The following NOTCH2 variants were observed in gnomAD, a reference collection of about 807,000 sequenced individuals.
NOTCH2 encodes neurogenic locus notch homolog protein 2.
A neutral mutation model predicts 235.8 loss-of-function variants in NOTCH2; 29 were observed. The ratio of observed to expected loss-of-function variants is 0.12; its 90% CI spans 0.09 to 0.17. The LOEUF is 0.17. Among genes scored for constraint, NOTCH2 ranks in the 10% least tolerant of loss-of-function variants. The probability of loss-of-function intolerance (pLI) is 1.00; values close to 1 mark genes in which losing one functional copy is unlikely to be tolerated. For synonymous variants in NOTCH2, 1,086 were observed against 1,141.5 expected (o/e 0.95, Z 0.98); for missense variants, 2,285 against 3,150.2 (o/e 0.73, Z 6.57).
intron 14 of NOTCH2, among the ~76,000 whole-genome samples, chr1:119,951,245 G>A (rs1013180557): frequency 2.0e-5 from 3 of 152,040 alleles, no homozygotes; most frequent in East Asian, 1.9e-4. Flanking sequence ...TCGACCTCTC[G>A]GGCTCAGCAA....
rs1210707132 is a variant in NOTCH2, at chr1:119,950,812, A to G, written c.2391T>C (p.Asp797=). The change falls in exon 15 of 34, where the codon GAT becomes GAC. Residue 797 remains aspartate, a synonymous_variant. Coordinates refer to ENST00000256646, the MANE Select transcript of NOTCH2 (RefSeq NM_024408.4). ...TCAGGCATGGATTTGAGGCACATTC[A>G]TCAATATTCACCTGGCAGTTATAGC... ...FKGYNCQVNI[D]ECASNPCLNQ... 1 of 1,613,706 alleles carries G rather than the reference A, an allele frequency of 6.2e-7. No homozygotes were observed. Among genetic ancestry groups the G allele is most frequent in the Non-Finnish European group, 8.5e-7 (1 of 1,179,682 alleles).
chr1:119,926,435 G>T, intron 24 of NOTCH2, 64 bp downstream of exon 24: 3 of 1,229,290 alleles, frequency 2.4e-6, no homozygotes, highest in South Asian at 1.3e-5. Flanking sequence ...TTTAATCTCA[G>T]TTCTGTTCAC....
Position 119,925,291 on chromosome 1 carries a change from C to A in NOTCH2, c.4511+14G>T. The A allele has an allele frequency of 1.2e-6, 2 of 1,613,164 alleles. No individual in the cohort carries two copies. Among genetic ancestry groups the A allele is most frequent in the Non-Finnish European group, 1.7e-6 (2 of 1,180,028 alleles). On this transcript the variant is annotated intron_variant, in intron 25 of 33. Transcript: ENST00000256646. The stretch of plus-strand genomic sequence containing the variant: ...GACAGTCCCCTTCAGTTCTGGAAAA[C>A]GTGAAGCCCTTACTTGCATGTCTTG...
chr1:120,036,855 C>T (rs1285276201), intron 1 of NOTCH2, among the ~76,000 whole-genome samples: 2 of 151,822 alleles, frequency 1.3e-5, no homozygotes, highest in African/African-American at 4.8e-5. Flanking sequence ...TGGAATCTTC[C>T]TTAAAATTTC....
At chr1:119,996,310 A>G (rs1237874879) in intron 4 of NOTCH2, 3 of 305,962 alleles carry the variant, frequency 9.8e-6, no homozygotes, top group Non-Finnish European at 1.3e-5. Flanking sequence ...GAACACTTGT[A>G]TCAGTGAAGA....
At chr1:119,972,573 GA>G (rs1651409730) in intron 5 of NOTCH2, among the ~76,000 whole-genome samples, 2 of 152,258 alleles carry the variant, frequency 1.3e-5, no homozygotes, top group African/African-American at 4.8e-5. Flanking sequence ...ATAATAAACA[GA>G]CACTGAAATA....
At chr1:119,978,180 T>C (rs1423930330) in intron 5 of NOTCH2, among the ~76,000 whole-genome samples, 2 of 148,886 alleles carry the variant, frequency 1.3e-5, no homozygotes, top group African/African-American at 2.5e-5. Flanking sequence ...AAGGGTGGAG[T>C]GCGGAGTATT....
rs1557811104 is a variant in NOTCH2, at chr1:119,935,303, C to A, written c.3655+169G>T. 1.9e-6 allele frequency: 3 copies of A among 1,561,996 alleles called. No individual in the cohort carries two copies. In the South Asian group the frequency reaches 3.6e-5, roughly 19 times the overall value. ...ACATAAACCACAACATCAGAGCTAG[C>A]AAGAGATGGGAGAATAAAATGGCTT... On this transcript the variant is annotated intron_variant, in intron 22 of 33. Transcript: ENST00000256646.
Position 119,941,722 on chromosome 1 carries a change from C to T in NOTCH2, c.2785G>A (p.Gly929Arg), listed in dbSNP as rs199585130. The T allele has an allele frequency of 1.6e-4, 253 of 1,613,986 alleles. No homozygotes were observed. Among genetic ancestry groups the T allele is most frequent in the Non-Finnish European group, 2.1e-4 (247 of 1,179,948 alleles). Residue 929 changes from glycine to arginine, a missense_variant, in exon 18 of 34, where the codon GGA (glycine) becomes AGA (arginine). Around this residue, in one of 6 missense-constraint regions of NOTCH2, gnomAD observed 1,173 missense variants for 1,515.3 expected, o/e 0.77. Coordinates refer to ENST00000256646, the MANE Select transcript of NOTCH2 (RefSeq NM_024408.4). ...CAGAGGCAGGAGAAAGTATTCACTC[C>T]ATCCATACAGGAACCTCCATTCTGG... The part of the protein sequence containing the change: ...PCQNGGSCMD[G>R]VNTFSCLCLP...
chr1:119,933,141 C>T (rs1245867449), intron 22 of NOTCH2, among the ~76,000 whole-genome samples: 1 of 152,134 alleles, frequency 6.6e-6, no homozygotes, highest in Non-Finnish European at 1.5e-5. Flanking sequence ...AATGGAACCA[C>T]CAGAAATAAA....
Position 119,949,072 on chromosome 1 carries a change from G to A in NOTCH2, c.2534C>T (p.Ala845Val), listed in dbSNP as rs1553197403. The A allele has an allele frequency of 1.2e-6, 2 of 1,614,134 alleles. No individual in the cohort carries two copies. Among genetic ancestry groups the A allele is most frequent in the East Asian group, 2.2e-5 (1 of 44,884 alleles). The change falls in exon 16 of 34, where the codon GCT becomes GTT. Residue 845 changes from alanine to valine, a missense_variant. This residue lies in a region of NOTCH2 where 1,173 missense variants were observed against 1,515.3 expected (regional missense o/e 0.77). Coordinates refer to ENST00000256646, the MANE Select transcript of NOTCH2 (RefSeq NM_024408.4). Reference protein sequence around the residue: ...APCSPNPCENAAVCKESPNFE... With the variant: ...APCSPNPCENVAVCKESPNFE... Reference sequence around the variant, plus strand: ...ATTTGGTGACTCTTTGCAAACAGCAGCATTCTCACAAGGGTTTGGGGAACA... The same window carrying A: ...ATTTGGTGACTCTTTGCAAACAGCAACATTCTCACAAGGGTTTGGGGAACA...
intron 1 of NOTCH2, among the ~76,000 whole-genome samples, chr1:120,033,092 GT>G (rs1654159708): frequency 6.6e-6 from 1 of 150,654 alleles, no homozygotes; most frequent in South Asian, 2.1e-4. Context: ...CCCATACCAA[GT>G]TATGGAAGTG....
At position 119,947,835 on chromosome 1, in the gene NOTCH2, A is replaced by G. The variant is rs181062461; in HGVS notation, c.2752+579T>C. Among the ~76,000 whole-genome samples, 43 of 152,330 alleles carry G rather than the reference A, an allele frequency of 2.8e-4. 1 individual carries two copies. The highest frequency in any genetic ancestry group is 2.2e-3 in the Admixed American group (33 of 15,312). ...AGAATGTACTATTGATATAAACAAC[A>G]TGGACGGATCTCAAATACTATGTTC... On this transcript the variant is annotated intron_variant, in intron 17 of 33. Transcript: ENST00000256646.
intron 23 of NOTCH2, among the ~76,000 whole-genome samples, chr1:119,926,865 G>C (rs1370833332): frequency 6.6e-6 from 1 of 152,030 alleles, no homozygotes; most frequent in East Asian, 1.9e-4. Flanking sequence ...CAACAGGGTG[G>C]GTGAGAAAAG....
rs4659250 is a variant in NOTCH2, at chr1:119,955,463, G to C, written c.2027-231C>G. Among the ~76,000 whole-genome samples the C allele has an allele frequency of 0.67, 101,962 of 152,218 alleles. 41,013 individuals carry two copies. Among genetic ancestry groups the C allele is most frequent in the East Asian group, 0.9 (4,669 of 5,174 alleles). On this transcript the variant is annotated intron_variant, in intron 12 of 33. Coordinates refer to ENST00000256646, the MANE Select transcript of NOTCH2 (RefSeq NM_024408.4). ...GGAAAGTTAACAAAAGGCTGGAAAA[G>C]TGTTATAGCAATTTGGCATTTTCTT... is the stretch of plus-strand genomic sequence containing the variant.
chr1:119,941,398 G>T, intron 18 of NOTCH2, 128 bp downstream of exon 18: 1 of 725,238 alleles, frequency 1.4e-6, no homozygotes, highest in East Asian at 2.7e-5. Context: ...AATAGGAGAT[G>T]ACTGTGGACT....
intron 14 of NOTCH2, among the ~76,000 whole-genome samples, chr1:119,951,619 T>C (rs1553197820): frequency 6.6e-6 from 1 of 152,242 alleles, no homozygotes; most frequent in Non-Finnish European, 1.5e-5. Flanking sequence ...CAAAGCTGTT[T>C]TCTCCTGATT....
At chr1:119,917,112 A>C (rs1471648109) in intron 33 of NOTCH2, among the ~76,000 whole-genome samples, 2 of 152,200 alleles carry the variant, frequency 1.3e-5, no homozygotes, top group African/African-American at 4.8e-5. Flanking sequence ...GAAATAAGAA[A>C]GGTAGGAAGA....
Position 119,929,157 on chromosome 1 carries a change from A to G in NOTCH2, c.3711T>C (p.Asn1237=). Residue 1237 remains asparagine (N), a synonymous_variant, in exon 23 of 34, where the codon AAT becomes AAC. Coordinates refer to ENST00000256646, the MANE Select transcript of NOTCH2 (RefSeq NM_024408.4). The part of the protein sequence containing the change: ...DDCARGPHCL[N]GGQCMDRIGG... ...CAATCCTATCCATGCACTGACCACC[A>G]TTAAGGCAATGGGGACCCCGGGCAC... 1 of 1,614,216 alleles carries G rather than the reference A, an allele frequency of 6.2e-7. No individual in the cohort carries two copies. The highest frequency in any genetic ancestry group is 8.5e-7 in the Non-Finnish European group (1 of 1,180,028).
Sources: gnomAD v4.1 joint callset for allele counts (sites outside exome capture counted in the v4.1 genomes callset) on GRCh38, gnomAD v4.1.1 for gene constraint, gnomAD v4.1.1 regional missense constraint, MANE v1.5 for transcripts, NCBI Gene and HGNC (gene_info 2026-07-23, HGNC 2026-07-21) for gene names.